Variants in MYO15B observed in about 807,000 individuals in gnomAD.
MYO15B encodes myosin XVB.
MYO15B carries 207 observed loss-of-function variants against 119.3 expected under a neutral mutation model. That is an observed-to-expected ratio of 1.73 (90% CI 1.55 to 1.95). The LOEUF (loss-of-function observed/expected upper bound fraction) is 1.95. Among genes scored for constraint, MYO15B ranks in the 30% most tolerant of loss-of-function variants. The pLI is 0.00. For synonymous variants in MYO15B, 966 were observed against 498.9 expected (o/e 1.94, Z -12.48); for missense variants, 2,264 against 1,203.1 (o/e 1.88, Z -13.04).
chr17:75,605,265 G>A (rs1290481347), intron 19 of MYO15B, among the ~76,000 whole-genome samples: 1 of 151,908 alleles, frequency 6.6e-6, no homozygotes, highest in Non-Finnish European at 1.5e-5. Context: ...GTGAAACCCT[G>A]TCTCTACTAA....
intron 46 of MYO15B, 34 bp from the exon 47 acceptor site, chr17:75,619,845 A>G (rs1279682738): frequency 1.4e-6 from 1 of 702,090 alleles, no homozygotes; most frequent in Admixed American, 2.0e-5. Flanking sequence ...GCAGGTGGCA[A>G]GGTGACCTCA....
intron 59 of MYO15B, 97 bp from the exon 60 acceptor site, chr17:75,625,026 G>A: frequency 1.5e-6 from 1 of 659,188 alleles, no homozygotes; most frequent in South Asian, 1.7e-5. Context: ...GGTGGCTGGG[G>A]GGTGACAGTG....
rs142842880 is a variant in MYO15B, at chr17:75,603,822, G to A, written c.4016+510G>A. Among the ~76,000 whole-genome samples, 157 of 152,348 alleles carry A rather than the reference G, an allele frequency of 1.0e-3. 2 individuals carry two copies. The highest frequency in any genetic ancestry group is 3.5e-3 in the African/African-American group (144 of 41,576). ...CCAAGAAAAGCTGGTGGCATTGTCCGTTTTGTTGTTTGCCTATCTGGCCTT... is the reference window on the plus strand; with the variant it reads ...CCAAGAAAAGCTGGTGGCATTGTCCATTTTGTTGTTTGCCTATCTGGCCTT... On this transcript the variant is annotated intron_variant, in intron 19 of 63. Transcript: ENST00000645453.
chr17:75,613,637 C>G, intron 28 of MYO15B, 68 bp from the exon 29 acceptor site: 1 of 683,586 alleles, frequency 1.5e-6, no homozygotes, highest in Non-Finnish European at 2.7e-6. Flanking sequence ...ATGGGGACAG[C>G]AGCCCCTTCC....
At chr17:75,604,361 C>T (rs1334416247) in intron 19 of MYO15B, among the ~76,000 whole-genome samples, 3 of 152,106 alleles carry the variant, frequency 2.0e-5, no homozygotes, top group African/African-American at 4.8e-5. Context: ...AGAACCTGCA[C>T]GGTGCTTGCT....
At position 75,592,847 on chromosome 17, in the gene MYO15B, T is replaced by A. The variant is rs1286896894; in HGVS notation, c.2991+7T>A. 2 of 700,390 alleles carry A rather than the reference T, an allele frequency of 2.9e-6. No homozygotes were observed. Among genetic ancestry groups the A allele is most frequent in the Non-Finnish European group, 5.2e-6 (2 of 383,326 alleles). The allele number at this position is 700,390 out of a possible 1,614,324, so 43.4% of individuals were successfully genotyped here. A position where few individuals can be genotyped will look rare whatever the true frequency, so the allele number is the denominator to read the frequency against. On this transcript the variant is annotated splice_region_variant and intron_variant, in intron 9 of 63. Transcript: ENST00000645453. ...CTGCTTCTCCTCCTCAGAGGTGGGCTTCCCCGTGGGCAGGGGCCATCTGGG... is the reference window on the plus strand; with the variant it reads ...CTGCTTCTCCTCCTCAGAGGTGGGCATCCCCGTGGGCAGGGGCCATCTGGG...
At chr17:75,613,605 C>T in intron 28 of MYO15B, 100 bp from the exon 29 acceptor site, 1 of 656,590 alleles carries the variant, frequency 1.5e-6, no homozygotes. Flanking sequence ...CCCCTCCCCT[C>T]TGTCCTGCTT....
rs1422760444 is a variant in MYO15B, at chr17:75,616,510, T to C, written c.6245-14T>C. The C allele has an allele frequency of 4.3e-6, 3 of 697,602 alleles. No individual in the cohort carries two copies. The highest frequency in any genetic ancestry group is 2.7e-5 in the East Asian group (1 of 37,138). 43.2% of individuals were successfully genotyped at this position (697,602 alleles called of 1,614,324 possible). On this transcript the variant is annotated splice_polypyrimidine_tract_variant and intron_variant, in intron 38 of 63. Coordinates refer to ENST00000645453, the Ensembl canonical transcript of MYO15B. ...TCTGCACGCGGTTAACAGTCTTTCC[T>C]GTTTCCTGGTCAGTGCCGTCCCCTC...
intron 19 of MYO15B, among the ~76,000 whole-genome samples, chr17:75,604,429 T>G (rs1284375204): frequency 6.6e-6 from 1 of 151,540 alleles, no homozygotes; most frequent in African/African-American, 2.4e-5. Flanking sequence ...CATCTGGACC[T>G]GTGAAATGTC....
chr17:75,612,439 G>A (rs572856370), intron 25 of MYO15B, among the ~76,000 whole-genome samples: 17 of 152,134 alleles, frequency 1.1e-4, no homozygotes, highest in African/African-American at 3.6e-4. Flanking sequence ...TTGGGAGGCC[G>A]AGGTGGGTGG....
chr17:75,607,648 G>A (rs1312284828), intron 21 of MYO15B, among the ~76,000 whole-genome samples: 2 of 151,774 alleles, frequency 1.3e-5, no homozygotes, highest in African/African-American at 4.8e-5. Context: ...CAGTAGAGAC[G>A]GGGTTTCACC....
intron 14 of MYO15B, among the ~76,000 whole-genome samples, chr17:75,598,278 AAG>A (rs1491328620): frequency 2.8e-4 from 42 of 151,162 alleles, no homozygotes; most frequent in African/African-American, 7.8e-4. Context: ...AAAAAAAGAA[AAG>A]AAAAGAAAAG....
rs138007596 is a variant in MYO15B, at chr17:75,598,926, G to A, written c.3525+2027G>A. Among the ~76,000 whole-genome samples, 17 of 152,254 alleles carry A rather than the reference G, an allele frequency of 1.1e-4. No individual in the cohort carries two copies. In the East Asian group the frequency reaches 3.3e-3, roughly 29 times the overall value. ...ATGTACCATTTTCTGAGTCCGAGGTGGGTGCTGAGCCTGGAATTGTTACCC... is the reference window on the plus strand; with the variant it reads ...ATGTACCATTTTCTGAGTCCGAGGTAGGTGCTGAGCCTGGAATTGTTACCC... On this transcript the variant is annotated intron_variant, in intron 14 of 63. Transcript: ENST00000645453.
chr17:75,626,390 G>A lies in MYO15B; in HGVS notation c.9214-17G>A, dbSNP rs1172395802. 2 of 703,008 alleles carry A rather than the reference G, an allele frequency of 2.8e-6. No individual in the cohort carries two copies. The highest frequency in any genetic ancestry group is 1.7e-5 in the African/African-American group (1 of 57,282). 43.5% of individuals were successfully genotyped at this position (703,008 alleles called of 1,614,324 possible). ...CTGGCTGGGGAGCCCTCTTGTAACAGGCCTTTCTCTGGGCAGGCCCAGGAG... is the reference window on the plus strand; with the variant it reads ...CTGGCTGGGGAGCCCTCTTGTAACAAGCCTTTCTCTGGGCAGGCCCAGGAG... On this transcript the variant is annotated splice_polypyrimidine_tract_variant and intron_variant, in intron 63 of 63. Transcript: ENST00000645453.
At chr17:75,626,266 A>C (rs1302908551) in intron 63 of MYO15B, 38 bp downstream of exon 63, 2 of 700,882 alleles carry the variant, frequency 2.9e-6, no homozygotes, top group Admixed American at 2.0e-5. Flanking sequence ...GCGAAGGTGG[A>C]TGTGAGGGCC....
At position 75,613,472 on chromosome 17, in the gene MYO15B, G is replaced by C. The variant is rs1274666821; in HGVS notation, c.5146+1G>C. The stretch of plus-strand genomic sequence containing the variant: ...GCGCTGGATGTGTTCACCTTCAGCG[G>C]TGAGGGCTGCCTCTGGCTGAGGCCT... On this transcript the variant is annotated splice_donor_variant, in intron 28 of 63. Coordinates refer to ENST00000645453, the Ensembl canonical transcript of MYO15B. LOFTEE classifies it high-confidence loss of function. 1.5e-6 allele frequency: 1 copy of C among 679,394 alleles called. No homozygotes were observed. Among genetic ancestry groups the C allele is most frequent in the Non-Finnish European group, 2.6e-6 (1 of 378,494 alleles). The allele number at this position is 679,394 out of a possible 1,614,324, so 42.1% of individuals were successfully genotyped here.
In MYO15B at chr17:75,603,022, C is replaced by G. The variant is rs1311086008; in HGVS notation, c.3846-10C>G. On this transcript the variant is annotated splice_polypyrimidine_tract_variant and intron_variant, in intron 17 of 63. Coordinates refer to ENST00000645453, the Ensembl canonical transcript of MYO15B. ...GTCTGTGCCCGAGTGACCCCTCTTT[C>G]CCTCATCAGGAGCCATGTCTATTTC... 1 of 703,200 alleles carries G rather than the reference C, an allele frequency of 1.4e-6. No homozygotes were observed. Among genetic ancestry groups the G allele is most frequent in the African/African-American group, 1.7e-5 (1 of 57,262 alleles). The allele number at this position is 703,200 out of a possible 1,614,324, so 43.6% of individuals were successfully genotyped here.
At position 75,612,898 on chromosome 17, in the gene MYO15B, G is replaced by A. The variant is rs1314473213; in HGVS notation, c.4731+5G>A. On this transcript the variant is annotated splice_donor_5th_base_variant and intron_variant, in intron 26 of 63. Transcript: ENST00000645453. ...GCCCTGGACATCAACAAAGTGGTGA[G>A]TGACACATTGGAGAAGGGACAGGAT... The A allele has an allele frequency of 2.9e-6, 2 of 701,454 alleles. No homozygotes were observed. Among genetic ancestry groups the A allele is most frequent in the Admixed American group, 4.0e-5 (2 of 49,872 alleles). The allele number at this position is 701,454 out of a possible 1,614,324, so 43.5% of individuals were successfully genotyped here.
At chr17:75,603,897 T>C (rs1355217132) in intron 19 of MYO15B, among the ~76,000 whole-genome samples, 2 of 152,190 alleles carry the variant, frequency 1.3e-5, no homozygotes, top group Non-Finnish European at 2.9e-5. Flanking sequence ...GGCTGGAGTT[T>C]ACCCCAAGCA....
Sources: gnomAD v4.1 joint callset for allele counts (sites outside exome capture counted in the v4.1 genomes callset) on GRCh38, gnomAD v4.1.1 for gene constraint, MANE v1.5 for transcripts, NCBI Gene and HGNC (gene_info 2026-07-23, HGNC 2026-07-21) for gene names.